Variants in COL22A1 observed in about 807,000 individuals in gnomAD.
The protein encoded by COL22A1 is collagen type XXII alpha 1 chain, also known as collagen alpha-1(XXII) chain.
A neutral mutation model predicts 248.9 loss-of-function variants in COL22A1; 221 were observed. That is an observed-to-expected ratio of 0.89 (90% confidence interval 0.80 to 0.99). The LOEUF (loss-of-function observed/expected upper bound fraction) is 0.99. Ranked by LOEUF, COL22A1 falls within the 50% of genes least tolerant of loss-of-function variation. The probability of loss-of-function intolerance (pLI) is 0.00; values close to 1 mark genes in which losing one functional copy is unlikely to be tolerated. For synonymous variants in COL22A1, 891 were observed against 793.4 expected (o/e 1.12, Z -2.07); for missense variants, 2,240 against 2,179.0 (o/e 1.03, Z -0.56).
intron 1 of COL22A1, among the ~76,000 whole-genome samples, chr8:138,893,367 G>T (rs1011002225): frequency 1.3e-5 from 2 of 152,194 alleles, no homozygotes. Flanking sequence ...AACCACTCTG[G>T]ATGTCAACTC....
At chr8:138,612,495 T>A (rs1404600801) in intron 56 of COL22A1, among the ~76,000 whole-genome samples, 1 of 152,174 alleles carries the variant, frequency 6.6e-6, no homozygotes, top group East Asian at 1.9e-4. Flanking sequence ...CCCCCCCAAA[T>A]TTTTAAGTCC....
chr8:138,804,204 T>C (rs140773771), intron 10 of COL22A1, among the ~76,000 whole-genome samples: 3,688 of 152,288 alleles, frequency 0.024, 119 homozygotes, highest in Admixed American at 0.098. Context: ...CCTATGCATG[T>C]GGACAGAGCC....
At chr8:138,721,253 A>G (rs1287019441) in intron 26 of COL22A1, among the ~76,000 whole-genome samples, 1 of 152,212 alleles carries the variant, frequency 6.6e-6, no homozygotes, top group African/African-American at 2.4e-5. Context: ...AAAAATGACA[A>G]CACATTTTCC....
intron 1 of COL22A1, among the ~76,000 whole-genome samples, chr8:138,895,426 G>GA (rs34519608): frequency 6.6e-6 from 1 of 151,712 alleles, no homozygotes; most frequent in South Asian, 2.1e-4. Flanking sequence ...TGAAACAAAT[G>GA]AAAAAATAGA....
At chr8:138,715,821 G>T in intron 29 of COL22A1, 86 bp from the exon 30 acceptor site, 1 of 949,314 alleles carries the variant, frequency 1.1e-6, no homozygotes, top group Non-Finnish European at 1.7e-6. Context: ...ACATGACTTT[G>T]GAAAAACATA....
chr8:138,736,242 T>C (rs1295307011), intron 23 of COL22A1, among the ~76,000 whole-genome samples: 1 of 151,550 alleles, frequency 6.6e-6, no homozygotes, highest in Non-Finnish European at 1.5e-5. Flanking sequence ...AACTTACTGA[T>C]GCCAGGGGAG....
intron 56 of COL22A1, among the ~76,000 whole-genome samples, chr8:138,613,459 G>T (rs929209518): frequency 2.0e-5 from 3 of 152,114 alleles, no homozygotes; most frequent in Admixed American, 2.0e-4. Flanking sequence ...TGCATGTCAG[G>T]CTTCTGGCCT....
Position 138,646,633 on chromosome 8 carries a change from G to T in COL22A1, c.3497C>A (p.Pro1166Gln). Residue 1166 changes from proline (P) to glutamine (Q), a missense_variant, in exon 47 of 65, where the codon CCA becomes CAA. By Grantham distance (76) the Pro-to-Gln change is moderately conservative. Transcript: ENST00000303045. ...TGGTTATGAAGTCTCACTGACCTGTGGTCCAGCTATTCCTGGGGGCCCTGG... is the reference window on the plus strand; with the variant it reads ...TGGTTATGAAGTCTCACTGACCTGTTGTCCAGCTATTCCTGGGGGCCCTGG... ...GLPGPPGIAG[P>Q]QGSQGERGAD... is the part of the protein sequence containing the mutation. 6.3e-7 allele frequency: 1 copy of T among 1,583,016 alleles called. No homozygotes were observed. The highest frequency in any genetic ancestry group is 8.6e-7 in the Non-Finnish European group (1 of 1,163,756).
At chr8:138,751,720 T>C (rs1832621448) in intron 21 of COL22A1, among the ~76,000 whole-genome samples, 1 of 152,204 alleles carries the variant, frequency 6.6e-6, no homozygotes, top group Admixed American at 6.5e-5. Context: ...TGTTGAGCAG[T>C]CAGGATGTAA....
chr8:138,758,644 A>G (rs897707661), intron 18 of COL22A1, among the ~76,000 whole-genome samples: 1 of 152,216 alleles, frequency 6.6e-6, no homozygotes, highest in Non-Finnish European at 1.5e-5. Flanking sequence ...CTGCAGTTCC[A>G]GTGACTTTCC....
At chr8:138,838,057 GGCA>G in intron 4 of COL22A1, among the ~76,000 whole-genome samples, 1 of 152,272 alleles carries the variant, frequency 6.6e-6, no homozygotes, top group East Asian at 1.9e-4. Flanking sequence ...GTGTAATTGA[GGCA>G]GCAGAAGCAG....
chr8:138,639,939 C>G (rs1440821902), intron 47 of COL22A1, among the ~76,000 whole-genome samples: 1 of 152,206 alleles, frequency 6.6e-6, no homozygotes, highest in Non-Finnish European at 1.5e-5. Flanking sequence ...TTAATACAGA[C>G]ACATAGACGG....
At chr8:138,593,985 A>G in intron 63 of COL22A1, 32 bp downstream of exon 63, 1 of 1,474,668 alleles carries the variant, frequency 6.8e-7, no homozygotes, top group East Asian at 2.6e-5. Context: ...CCAGGAGTAC[A>G]CGGAGCATAT....
chr8:138,793,388 G>C (rs60724221), intron 12 of COL22A1, among the ~76,000 whole-genome samples: 1 of 152,164 alleles, frequency 6.6e-6, no homozygotes, highest in African/African-American at 2.4e-5. Context: ...AAGGCTGGGG[G>C]TGGGCTGATT....
intron 1 of COL22A1, among the ~76,000 whole-genome samples, chr8:138,901,583 T>C (rs771325450): frequency 9.9e-5 from 15 of 151,952 alleles, no homozygotes; most frequent in Middle Eastern, 3.4e-3. Context: ...CCTAGGCTGG[T>C]CTCAAATTTC....
chr8:138,728,682 C>T (rs1830499207), intron 23 of COL22A1, among the ~76,000 whole-genome samples: 1 of 151,918 alleles, frequency 6.6e-6, no homozygotes, highest in South Asian at 2.1e-4. Context: ...ATTAAACCTC[C>T]TTGTCTGACA....
At chr8:138,908,949 A>G (rs573294048) in intron 1 of COL22A1, among the ~76,000 whole-genome samples, 14 of 152,184 alleles carry the variant, frequency 9.2e-5, no homozygotes, top group Non-Finnish European at 1.9e-4. Context: ...CTGCCCCTGG[A>G]GATGGGCAAG....
intron 60 of COL22A1, 84 bp downstream of exon 60, chr8:138,602,031 G>T: frequency 1.3e-6 from 2 of 1,491,172 alleles, no homozygotes; most frequent in Non-Finnish European, 1.9e-6. Flanking sequence ...TAACTGCCTT[G>T]GACAAAGGCC....
intron 47 of COL22A1, among the ~76,000 whole-genome samples, chr8:138,639,487 C>T (rs1821476143): frequency 6.6e-6 from 1 of 152,092 alleles, no homozygotes; most frequent in African/African-American, 2.4e-5. Flanking sequence ...CAGATAAAAA[C>T]CATGTGCACT....
Sources: gnomAD v4.1 joint callset for allele counts (sites outside exome capture counted in the v4.1 genomes callset) on GRCh38, gnomAD v4.1.1 for gene constraint, MANE v1.5 for transcripts, NCBI Gene and HGNC (gene_info 2026-07-23, HGNC 2026-07-21) for gene names.